Variants in MBOAT1 observed in about 807,000 individuals in gnomAD.
MBOAT1 encodes the protein membrane-bound glycerophospholipid O-acyltransferase 1.
Under a neutral mutation model 64.4 loss-of-function variants are expected in MBOAT1, and 67 were observed. The observed-to-expected ratio is 1.04, with a 90% CI of 0.85 to 1.27. MBOAT1 has a LOEUF of 1.27. Among genes scored for constraint, MBOAT1 ranks in the 50% most tolerant of loss-of-function variants. The pLI is 0.00. For synonymous variants in MBOAT1, 229 were observed against 218.9 expected, an observed-to-expected ratio of 1.05 and a Z score of -0.41; for missense variants, 563 against 604.6, an observed-to-expected ratio of 0.93 and a Z score of 0.72.
chr6:20,194,184 A>G (rs1178131806), intron 1 of MBOAT1, among the ~76,000 whole-genome samples: 1 of 152,200 alleles, frequency 6.6e-6, no homozygotes, highest in African/African-American at 2.4e-5. Context: ...AAATTTACAG[A>G]AAAATTATTA....
At chr6:20,168,615 AGAG>A (rs1218974555) in intron 1 of MBOAT1, among the ~76,000 whole-genome samples, 5 of 27,662 alleles carry the variant, frequency 1.8e-4, no homozygotes, top group African/African-American at 3.7e-4. Context: ...AGAGAAGAGA[AGAG>A]AAGAGAAGAG....
chr6:20,188,880 T>C (rs915400638), intron 1 of MBOAT1, among the ~76,000 whole-genome samples: 2 of 152,212 alleles, frequency 1.3e-5, no homozygotes, highest in Admixed American at 6.5e-5. Context: ...TGCCTGCAGG[T>C]TGTTCTTTTG....
chr6:20,104,276 G>C (rs991265802), intron 12 of MBOAT1, among the ~76,000 whole-genome samples: 5 of 152,120 alleles, frequency 3.3e-5, no homozygotes, highest in African/African-American at 1.2e-4. Flanking sequence ...GGTAAGCAAC[G>C]TATGACTGTA....
intron 1 of MBOAT1, among the ~76,000 whole-genome samples, chr6:20,160,941 T>G (rs937253398): frequency 5.9e-5 from 9 of 152,184 alleles, no homozygotes; most frequent in Non-Finnish European, 1.2e-4. Context: ...TGATAATCAA[T>G]GTACACAATT....
chr6:20,113,900 G>T (rs942774206), intron 10 of MBOAT1, among the ~76,000 whole-genome samples: 3 of 151,512 alleles, frequency 2.0e-5, no homozygotes, highest in Admixed American at 6.6e-5. Flanking sequence ...GCACTGTATG[G>T]GTGGTCAACA....
intron 8 of MBOAT1, among the ~76,000 whole-genome samples, chr6:20,119,998 T>TGC (rs1245471358): frequency 1.8e-4 from 10 of 54,324 alleles, no homozygotes; most frequent in Admixed American, 1.2e-3. Flanking sequence ...TCTGTGTGTG[T>TGC]GTGTGTGCGT....
chr6:20,131,000 T>C, intron 5 of MBOAT1, 144 bp downstream of exon 5: 2 of 659,950 alleles, frequency 3.0e-6, no homozygotes, highest in Non-Finnish European at 5.2e-6. Context: ...AAGGCTATGA[T>C]TGCCGAGGCC....
At chr6:20,175,000 A>C (rs893832646) in intron 1 of MBOAT1, among the ~76,000 whole-genome samples, 3 of 152,210 alleles carry the variant, frequency 2.0e-5, no homozygotes, top group Admixed American at 1.3e-4. Context: ...ATTTAATAAG[A>C]CAGTCAAGAA....
chr6:20,151,551 T>C, intron 2 of MBOAT1, among the ~76,000 whole-genome samples: 1 of 152,258 alleles, frequency 6.6e-6, no homozygotes, highest in East Asian at 1.9e-4. Flanking sequence ...TCCAGAGAGA[T>C]GAGTTCTTTC....
At chr6:20,144,080 C>T (rs1761258019) in intron 4 of MBOAT1, 140 bp downstream of exon 4, 10 of 616,230 alleles carry the variant, frequency 1.6e-5, no homozygotes, top group Non-Finnish European at 2.9e-5. Flanking sequence ...AGTCTCCAGC[C>T]TCAATCCCAT....
At chr6:20,127,760 T>C (rs1206938451) in intron 6 of MBOAT1, among the ~76,000 whole-genome samples, 2 of 152,144 alleles carry the variant, frequency 1.3e-5, no homozygotes, top group East Asian at 1.9e-4. Flanking sequence ...TATTTCATTA[T>C]ATATTACGAT....
At chr6:20,142,812 A>G (rs1761218180) in intron 4 of MBOAT1, among the ~76,000 whole-genome samples, 1 of 152,186 alleles carries the variant, frequency 6.6e-6, no homozygotes, top group African/African-American at 2.4e-5. Flanking sequence ...AGCACGCTCC[A>G]CAATGTGGCG....
intron 4 of MBOAT1, among the ~76,000 whole-genome samples, chr6:20,139,790 A>T (rs1419795597): frequency 8.6e-5 from 13 of 150,660 alleles, no homozygotes; most frequent in Non-Finnish European, 1.9e-4. Context: ...CCTGGACTCA[A>T]ATGATCCTCC....
rs6934293 is a variant in MBOAT1, at chr6:20,102,511, G to A, written c.1362-99C>T. ...CTACAGTATGACAAGTGAGAGCACC[G>A]CTTTTGGCAGTAGGAGGCCTGTCTA... On this transcript the variant is annotated intron_variant, in intron 12 of 12. Coordinates refer to ENST00000324607, the MANE Select transcript of MBOAT1 (RefSeq NM_001080480.3). 3.3e-3 allele frequency: 3,320 copies of A among 1,004,518 alleles called. 65 individuals are homozygous for A. In the African/African-American group the frequency reaches 0.046, roughly 14 times the overall value. The allele number at this position is 1,004,518 out of a possible 1,614,324, so 62.2% of individuals were successfully genotyped here.
chr6:20,166,123 T>C (rs1387085986), intron 1 of MBOAT1, among the ~76,000 whole-genome samples: 2 of 152,092 alleles, frequency 1.3e-5, no homozygotes, highest in Non-Finnish European at 2.9e-5. Context: ...AATCCAAAAA[T>C]ATACCCATAT....
chr6:20,170,260 C>T (rs1281294065), intron 1 of MBOAT1, among the ~76,000 whole-genome samples: 1 of 152,186 alleles, frequency 6.6e-6, no homozygotes, highest in Non-Finnish European at 1.5e-5. Context: ...GATCTCCAGC[C>T]CAGATGTCTC....
intron 1 of MBOAT1, among the ~76,000 whole-genome samples, chr6:20,181,765 G>A (rs1023926271): frequency 2.2e-4 from 33 of 152,234 alleles, no homozygotes; most frequent in African/African-American, 7.2e-4. Flanking sequence ...GGGAGGGATC[G>A]TTCTAAGTGG....
chr6:20,185,826 A>G (rs993467128), intron 1 of MBOAT1, among the ~76,000 whole-genome samples: 1 of 152,204 alleles, frequency 6.6e-6, no homozygotes, highest in African/African-American at 2.4e-5. Flanking sequence ...AGACTAAAAC[A>G]CAGGGGAAGG....
intron 8 of MBOAT1, among the ~76,000 whole-genome samples, chr6:20,123,852 C>G (rs2483765): frequency 7.2e-5 from 11 of 152,124 alleles, no homozygotes; most frequent in South Asian, 2.1e-4. Flanking sequence ...GTCAGGAGAT[C>G]GAGACCATCC....
Sources: gnomAD v4.1 joint callset for allele counts (sites outside exome capture counted in the v4.1 genomes callset) on GRCh38, gnomAD v4.1.1 for gene constraint, MANE v1.5 for transcripts, NCBI Gene and HGNC (gene_info 2026-07-23, HGNC 2026-07-21) for gene names.